The following MAPK15 variants were observed in gnomAD, a reference collection of about 807,000 sequenced individuals.
MAPK15 encodes mitogen-activated protein kinase 15, also known as ERK-7.
In MAPK15, 61 loss-of-function variants were observed where a neutral mutation model predicts 60.8. The observed-to-expected ratio is 1.00, with a 90% confidence interval of 0.82 to 1.24. The LOEUF (loss-of-function observed/expected upper bound fraction) is 1.24, where lower values mean the gene tolerates loss of function less well. MAPK15 is among the 50% of genes most tolerant of loss of function. The pLI, the probability that MAPK15 is intolerant of heterozygous loss-of-function variation, is 0.00. For synonymous variants in MAPK15, 356 were observed against 319.9 expected (o/e 1.11, Z -1.21); for missense variants, 808 against 741.1 (o/e 1.09, Z -1.05).
At position 143,721,633 on chromosome 8, in the gene MAPK15, C is replaced by A; in HGVS notation, c.1289C>A (p.Pro430His). Reference protein sequence around the residue: ...QTALLGNGERPPGAKEAPPLT... With the variant: ...QTALLGNGERHPGAKEAPPLT... ...GCTCTCCTAGGGAATGGGGAAAGGCCCCCTGGGGCGAAGGAAGCGCCCCCC... is the reference window on the plus strand; with the variant it reads ...GCTCTCCTAGGGAATGGGGAAAGGCACCCTGGGGCGAAGGAAGCGCCCCCC... The change falls in exon 12 of 14, where the codon CCC becomes CAC. Residue 430 changes from proline (P) to histidine (H), a missense_variant. Physicochemically the swap from Pro to His is moderately conservative, Grantham distance 77. Transcript: ENST00000338033. The A allele has an allele frequency of 6.2e-7, 1 of 1,610,758 alleles. No homozygotes were observed. Among genetic ancestry groups the A allele is most frequent in the Non-Finnish European group, 8.5e-7 (1 of 1,178,222 alleles).
intron 4 of MAPK15, chr8:143,718,558 C>T: frequency 1.6e-6 from 1 of 630,342 alleles, no homozygotes; most frequent in Non-Finnish European, 2.8e-6. Flanking sequence ...CCTTTTTCTT[C>T]TCATTTTATG....
Position 143,721,691 on chromosome 8 carries a change from G to A in MAPK15, c.1329+18G>A, listed in dbSNP as rs183555137. ...TCTCGCTGGTAAGTCATGGTGGGGC[G>A]GGCACAGGAGGGACCCCTCCTCTGC... On this transcript the variant is annotated intron_variant, in intron 12 of 13. Transcript: ENST00000338033. 175 of 1,610,214 alleles carry A rather than the reference G, an allele frequency of 1.1e-4. 1 individual carries two copies. In the East Asian group the frequency reaches 1.9e-3, roughly 17 times the overall value.
chr8:143,718,481 A>G, intron 4 of MAPK15, 179 bp downstream of exon 4: 6 of 679,086 alleles, frequency 8.8e-6, no homozygotes, highest in Non-Finnish European at 1.3e-5. Context: ...CTCCAGAGCC[A>G]GCAGCGACCC....
chr8:143,718,186 C>T, intron 3 of MAPK15, 26 bp from the exon 4 acceptor site: 10 of 1,613,580 alleles, frequency 6.2e-6, no homozygotes, highest in Non-Finnish European at 8.5e-6. Context: ...TCCTGGCCTT[C>T]CAGCCGCCTC....
rs1392717797 is a variant in MAPK15, at chr8:143,721,386, CCCAGG to C, written c.1183_1187del (p.Gly395Ter). ...GTCCCAGACCCAGGCCCCAGAGCAG[CCCAGG>C]CCATGACCCTGCCGAGCACGGTGTG... On this transcript the variant is annotated frameshift_variant, in exon 11 of 14. Coordinates refer to ENST00000338033, the MANE Select transcript of MAPK15 (RefSeq NM_139021.3). LOFTEE classifies it high-confidence loss of function. The C allele has an allele frequency of 3.0e-5, 48 of 1,612,214 alleles. No homozygotes were observed. The highest frequency in any genetic ancestry group is 4.0e-5 in the Non-Finnish European group (47 of 1,179,344).
chr8:143,722,312 C>G lies in MAPK15; in HGVS notation c.*61C>G, dbSNP rs1302654782. The G allele has an allele frequency of 7.0e-7, 1 of 1,422,144 alleles. No homozygotes were observed. Among genetic ancestry groups the G allele is most frequent in the African/African-American group, 1.4e-5 (1 of 69,966 alleles). 88.1% of individuals were successfully genotyped at this position (1,422,144 alleles called of 1,614,324 possible). ...GCCCCAGCCCCTTCCCCAGACCCCT[C>G]TCCAGTCTCCTGCACCCCTTAGCCC... is the stretch of plus-strand genomic sequence containing the variant. On this transcript the variant is annotated 3_prime_UTR_variant, in exon 14 of 14. Coordinates refer to ENST00000338033, the MANE Select transcript of MAPK15 (RefSeq NM_139021.3).
At position 143,722,266 on chromosome 8, in the gene MAPK15, T is replaced by C; in HGVS notation, c.*15T>C. 1 of 1,540,906 alleles carries C rather than the reference T, an allele frequency of 6.5e-7. No individual in the cohort carries two copies. The highest frequency in any genetic ancestry group is 1.2e-5 in the South Asian group (1 of 80,342). On this transcript the variant is annotated 3_prime_UTR_variant, in exon 14 of 14. Transcript: ENST00000338033. ...ACCATGTGTGAGCCGCCCTACTCCC[T>C]TCACCTGGCCCTCTGTTCCTGCCCC...
Position 143,721,832 on chromosome 8 carries a change from G to A in MAPK15, c.1410G>A (p.Arg470=), listed in dbSNP as rs1554619993. The change falls in exon 13 of 14, where the codon CGG becomes CGA. Residue 470 remains arginine (R), a synonymous_variant. Coordinates refer to ENST00000338033, the MANE Select transcript of MAPK15 (RefSeq NM_139021.3). The part of the protein sequence containing the change: ...AAQVANQALI[R]GDWNRGGGVR... ...AGGTGGCCAACCAGGCCCTGATCCG[G>A]GGTGACTGGAACCGGGGCGGTGGGG... 1.2e-6 allele frequency: 2 copies of A among 1,610,708 alleles called. No homozygotes were observed. Among genetic ancestry groups the A allele is most frequent in the Admixed American group, 3.4e-5 (2 of 59,674 alleles).
Position 143,720,536 on chromosome 8 carries a change from T to C in MAPK15, c.780-167T>C. The C allele has an allele frequency of 6.9e-7, 1 of 1,458,494 alleles. No individual in the cohort carries two copies. Among genetic ancestry groups the C allele is most frequent in the Non-Finnish European group, 9.1e-7 (1 of 1,102,154 alleles). The allele number at this position is 1,458,494 out of a possible 1,614,324, so 90.3% of individuals were successfully genotyped here. A position where few individuals can be genotyped will look rare whatever the true frequency, so the allele number is the denominator to read the frequency against. On this transcript the variant is annotated intron_variant, in intron 8 of 13. Transcript: ENST00000338033. This position sits in a 1 kb window ranked among gnomAD's most constrained non-coding sequence, Gnocchi z 4.6. The stretch of plus-strand genomic sequence containing the variant: ...GGCACCAGGGGGCCGCAGGGGTCTC[T>C]CCACCCTGCAGGGGCCCAGACTGCC...
At position 143,718,193 on chromosome 8, in the gene MAPK15, C is replaced by T. The variant is rs782751344; in HGVS notation, c.196-19C>T. The T allele has an allele frequency of 6.2e-6, 10 of 1,613,960 alleles. No homozygotes were observed. The South Asian group carries it at 7.7e-5, about 12-fold the overall frequency. On this transcript the variant is annotated intron_variant, in intron 3 of 13. Coordinates refer to ENST00000338033, the MANE Select transcript of MAPK15 (RefSeq NM_139021.3). Reference sequence around the variant, plus strand: ...ACAGCCCCTCCTGGCCTTCCAGCCGCCTCCGACTCTCTCCCCAGGAGTTTG... The same window carrying T: ...ACAGCCCCTCCTGGCCTTCCAGCCGTCTCCGACTCTCTCCCCAGGAGTTTG...
rs782103539 is a variant in MAPK15, at chr8:143,722,285, C to T, written c.*34C>T. 2 of 1,513,552 alleles carry T rather than the reference C, an allele frequency of 1.3e-6. No homozygotes were observed. Among genetic ancestry groups the T allele is most frequent in the Non-Finnish European group, 1.8e-6 (2 of 1,129,872 alleles). 93.8% of individuals were successfully genotyped at this position (1,513,552 alleles called of 1,614,324 possible). A position where few individuals can be genotyped will look rare whatever the true frequency, so the allele number is the denominator to read the frequency against. On this transcript the variant is annotated 3_prime_UTR_variant, in exon 14 of 14. Coordinates refer to ENST00000338033, the MANE Select transcript of MAPK15 (RefSeq NM_139021.3). ...ACTCCCTTCACCTGGCCCTCTGTTCCTGCCCCAGCCCCTTCCCCAGACCCC... is the reference window on the plus strand; with the variant it reads ...ACTCCCTTCACCTGGCCCTCTGTTCTTGCCCCAGCCCCTTCCCCAGACCCC...
chr8:143,716,427 G>C lies in MAPK15; in HGVS notation c.50G>C (p.Arg17Pro). ...PRIVRRYLLR[R>P]QLGQGAYGIV... is the part of the protein sequence containing the mutation. ...ATTGTCCGGAGATACCTACTCAGGC[G>C]GCAGCTCGGGCAGGGGGTGAGTGCC... is the stretch of plus-strand genomic sequence containing the variant. The change falls in exon 1 of 14, where the codon CGG (arginine) becomes CCG (proline). Residue 17 changes from arginine (R) to proline (P), a missense_variant. By Grantham distance (103) the Arg-to-Pro change is moderately radical. Transcript: ENST00000338033. 6.2e-7 allele frequency: 1 copy of C among 1,603,748 alleles called. No homozygotes were observed. The highest frequency in any genetic ancestry group is 8.5e-7 in the Non-Finnish European group (1 of 1,176,186).
rs146454342 is a variant in MAPK15 at position 143,719,382 on chromosome 8, C to T, written c.621C>T (p.Ile207=). 7.2e-5 allele frequency: 116 copies of T among 1,611,474 alleles called. No individual in the cohort carries two copies. Among genetic ancestry groups the T allele is most frequent in the Middle Eastern group, 1.7e-4 (1 of 6,032 alleles). ...LGVDMWSLGC[I]LGEMLRGRPL... Reference sequence around the variant, plus strand: ...TGGACATGTGGAGTCTGGGCTGTATCCTGGGGGAGATGCTGCGGGGGAGAC... The same window carrying T: ...TGGACATGTGGAGTCTGGGCTGTATTCTGGGGGAGATGCTGCGGGGGAGAC... The change falls in exon 7 of 14, where the codon ATC becomes ATT. Residue 207 remains isoleucine (I), a synonymous_variant. Coordinates refer to ENST00000338033, the MANE Select transcript of MAPK15 (RefSeq NM_139021.3).
Position 143,722,306 on chromosome 8 carries a change from A to C in MAPK15, c.*55A>C, listed in dbSNP as rs561332604. The C allele has an allele frequency of 2.9e-5, 42 of 1,447,298 alleles. No homozygotes were observed. The South Asian group carries it at 4.9e-4, about 17-fold the overall frequency. The allele number at this position is 1,447,298 out of a possible 1,614,324, so 89.7% of individuals were successfully genotyped here. On this transcript the variant is annotated 3_prime_UTR_variant, in exon 14 of 14. Transcript: ENST00000338033. ...GTTCCTGCCCCAGCCCCTTCCCCAGACCCCTCTCCAGTCTCCTGCACCCCT... is the reference window on the plus strand; with the variant it reads ...GTTCCTGCCCCAGCCCCTTCCCCAGCCCCCTCTCCAGTCTCCTGCACCCCT...
chr8:143,720,570 A>C lies in MAPK15; in HGVS notation c.780-133A>C. Reference sequence around the variant, plus strand: ...CAGGGGCCCAGACTGCCTGCAGGTCAGGCACAGGGGCATCTACCTAGACAG... The same window carrying C: ...CAGGGGCCCAGACTGCCTGCAGGTCCGGCACAGGGGCATCTACCTAGACAG... On this transcript the variant is annotated intron_variant, in intron 8 of 13. Transcript: ENST00000338033. This position sits in a 1 kb window ranked among gnomAD's most constrained non-coding sequence, Gnocchi z 4.6. 1 of 1,474,460 alleles carries C rather than the reference A, an allele frequency of 6.8e-7. No individual in the cohort carries two copies. Among genetic ancestry groups the C allele is most frequent in the East Asian group, 2.5e-5 (1 of 40,250 alleles). 91.3% of individuals were successfully genotyped at this position (1,474,460 alleles called of 1,614,324 possible). A position where few individuals can be genotyped will look rare whatever the true frequency, so the allele number is the denominator to read the frequency against.
In MAPK15 at chr8:143,722,310, CTCTCCA is replaced by C; in HGVS notation, c.*60_*65del. The C allele has an allele frequency of 1.4e-6, 2 of 1,438,534 alleles. No individual in the cohort carries two copies. Among genetic ancestry groups the C allele is most frequent in the Non-Finnish European group, 1.9e-6 (2 of 1,076,332 alleles). 89.1% of individuals were successfully genotyped at this position (1,438,534 alleles called of 1,614,324 possible). Reference sequence around the variant, plus strand: ...CTGCCCCAGCCCCTTCCCCAGACCCCTCTCCAGTCTCCTGCACCCCTTAGCCCTCCC... The same window carrying C: ...CTGCCCCAGCCCCTTCCCCAGACCCCGTCTCCTGCACCCCTTAGCCCTCCC... On this transcript the variant is annotated 3_prime_UTR_variant, in exon 14 of 14. Transcript: ENST00000338033.
intron 2 of MAPK15, 85 bp from the exon 3 acceptor site, chr8:143,717,962 A>C: frequency 1.9e-6 from 3 of 1,586,824 alleles, no homozygotes; most frequent in Non-Finnish European, 2.6e-6. Context: ...ATTGGGTGAC[A>C]GACATCAGCT....
chr8:143,718,364 G>GGAC, intron 4 of MAPK15, 62 bp downstream of exon 4: 1 of 1,498,070 alleles, frequency 6.7e-7, no homozygotes, highest in South Asian at 1.1e-5. Flanking sequence ...GCCGTCTGCG[G>GGAC]GTCCCTCTGC....
rs1210761093 is a variant in MAPK15 at position 143,721,403 on chromosome 8, C to T, written c.1196C>T (p.Ala399Val). The change falls in exon 11 of 14, where the codon GCC becomes GTC. Residue 399 changes from alanine to valine, a missense_variant. Ala to Val is a moderately conservative substitution (Grantham distance 64). Transcript: ENST00000338033. ...CAGAGCAGCCCAGGCCATGACCCTG[C>T]CGAGCACGGTGTGTGATCTTTGCTG... ...RPQSSPGHDPAEHESPRAAKN... is the reference protein window; with the variant it reads ...RPQSSPGHDPVEHESPRAAKN... The T allele has an allele frequency of 7.5e-6, 12 of 1,610,552 alleles. No individual in the cohort carries two copies. The highest frequency in any genetic ancestry group is 1.0e-5 in the Non-Finnish European group (12 of 1,178,522).
Sources: allele counts gnomAD v4.1 joint callset, GRCh38; gene constraint gnomAD v4.1.1; non-coding constraint Gnocchi (gnomAD v3.1); transcripts MANE v1.5; gene names NCBI Gene and HGNC (gene_info 2026-07-23, HGNC 2026-07-21).